MOB3B: variants seen among roughly 807,000 people sequenced by gnomAD.
MOB3B encodes the protein MOB kinase activator 3B, also known as MOB kinase activator-like 2B.
MOB3B carries 7 observed loss-of-function variants against 18.7 expected under a neutral mutation model. That is an observed-to-expected ratio of 0.37 (90% CI 0.21 to 0.70). The LOEUF (loss-of-function observed/expected upper bound fraction) is 0.70. Among genes scored for constraint, MOB3B ranks in the 30% least tolerant of loss-of-function variants. The probability of loss-of-function intolerance (pLI) is 0.52; values close to 1 mark genes in which losing one functional copy is unlikely to be tolerated. For synonymous variants in MOB3B, 111 were observed against 99.9 expected (o/e 1.11, Z -0.66); for missense variants, 253 against 281.3 (o/e 0.90, Z 0.72).
chr9:27,354,423 A>G (rs1821154579), intron 3 of MOB3B, among the ~76,000 whole-genome samples: 1 of 152,200 alleles, frequency 6.6e-6, no homozygotes, highest in South Asian at 2.1e-4. Context: ...TTTGGAACAG[A>G]GAATGACTAA....
chr9:27,404,870 C>T (rs907560889), intron 2 of MOB3B, among the ~76,000 whole-genome samples: 4 of 152,078 alleles, frequency 2.6e-5, no homozygotes, highest in African/African-American at 9.7e-5. Flanking sequence ...TATTAATTTA[C>T]ATTCCCACCA....
intron 1 of MOB3B, among the ~76,000 whole-genome samples, chr9:27,480,150 G>GTATAA (rs1469586301): frequency 6.6e-6 from 1 of 151,356 alleles, no homozygotes; most frequent in Non-Finnish European, 1.5e-5. Flanking sequence ...GAAATAGAAT[G>GTATAA]CATAACTTTT....
At chr9:27,406,600 C>T (rs10757656) in intron 2 of MOB3B, among the ~76,000 whole-genome samples, 58,188 of 151,956 alleles carry the variant, frequency 0.38, 12,287 homozygotes, top group East Asian at 0.78. Context: ...TACAGTCATC[C>T]CATTTTCAAC....
At chr9:27,512,779 T>C (rs1820166112) in intron 1 of MOB3B, among the ~76,000 whole-genome samples, 2 of 152,214 alleles carry the variant, frequency 1.3e-5, no homozygotes, top group Admixed American at 1.3e-4. Flanking sequence ...TCACTTTTTT[T>C]CACTTCACAA....
At chr9:27,395,187 G>C (rs1231095165) in intron 2 of MOB3B, among the ~76,000 whole-genome samples, 3 of 152,126 alleles carry the variant, frequency 2.0e-5, no homozygotes, top group Admixed American at 6.6e-5. Context: ...TGATCAAAGG[G>C]TACAAAGTTT....
intron 2 of MOB3B, among the ~76,000 whole-genome samples, chr9:27,427,540 TA>T (rs1486076057): frequency 6.6e-6 from 1 of 152,196 alleles, no homozygotes; most frequent in Non-Finnish European, 1.5e-5. Context: ...GATAAGTAGG[TA>T]CATAGAAGGC....
chr9:27,490,321 T>C (rs1440160487), intron 1 of MOB3B, among the ~76,000 whole-genome samples: 1 of 152,136 alleles, frequency 6.6e-6, no homozygotes, highest in Non-Finnish European at 1.5e-5. Flanking sequence ...GCTCATGGTT[T>C]AGTGAGAGAG....
intron 3 of MOB3B, among the ~76,000 whole-genome samples, chr9:27,352,034 G>C (rs1821112208): frequency 6.6e-6 from 1 of 152,146 alleles, no homozygotes; most frequent in Admixed American, 6.5e-5. Flanking sequence ...GCAGTGATAA[G>C]GGATGGAGAG....
chr9:27,393,803 G>A (rs975902990), intron 2 of MOB3B, among the ~76,000 whole-genome samples: 7 of 152,062 alleles, frequency 4.6e-5, no homozygotes, highest in Non-Finnish European at 4.4e-5. Context: ...CTGATCAATG[G>A]CAGATGCAGG....
chr9:27,446,125 T>C (rs1822688053), intron 2 of MOB3B, among the ~76,000 whole-genome samples: 1 of 152,172 alleles, frequency 6.6e-6, no homozygotes, highest in Non-Finnish European at 1.5e-5. Flanking sequence ...GATATTCACA[T>C]AATAAAAGGC....
At chr9:27,435,047 T>TTCTCTCTC (rs60408942) in intron 2 of MOB3B, among the ~76,000 whole-genome samples, 57 of 145,978 alleles carry the variant, frequency 3.9e-4, no homozygotes, top group Admixed American at 6.9e-4. Flanking sequence ...TGTAAGGTGT[T>TTCTCTCTC]TCTCTCTCTC....
intron 1 of MOB3B, among the ~76,000 whole-genome samples, chr9:27,473,649 G>T (rs1156775225): frequency 6.6e-6 from 1 of 152,142 alleles, no homozygotes; most frequent in African/African-American, 2.4e-5. Context: ...AACAGGGGAT[G>T]TTGGTGATGG....
chr9:27,396,868 T>C (rs990509071), intron 2 of MOB3B: 2 of 152,198 alleles, frequency 1.3e-5, no homozygotes, highest in African/African-American at 4.8e-5. Flanking sequence ...CATTTAACCA[T>C]CCACGTTAAC....
At chr9:27,519,742 G>A (rs1452720799) in intron 1 of MOB3B, among the ~76,000 whole-genome samples, 1 of 152,116 alleles carries the variant, frequency 6.6e-6, no homozygotes, top group Non-Finnish European at 1.5e-5. Flanking sequence ...CATATCCACA[G>A]TATTCCCTGA....
chr9:27,473,265 T>C (rs1024667466), intron 1 of MOB3B, among the ~76,000 whole-genome samples: 4 of 152,194 alleles, frequency 2.6e-5, no homozygotes, highest in Admixed American at 1.3e-4. Flanking sequence ...CACGTTTTTC[T>C]CATCTAGCGG....
intron 2 of MOB3B, among the ~76,000 whole-genome samples, chr9:27,443,044 T>C (rs1197963266): frequency 6.6e-6 from 1 of 152,230 alleles, no homozygotes; most frequent in Non-Finnish European, 1.5e-5. Context: ...CAGAATTACC[T>C]ACAGAGCTTT....
In MOB3B at chr9:27,455,755, G is replaced by A. The variant is rs1587228607; in HGVS notation, c.-198-7C>T. ...GGGAACCTCATGTTCTTTCCTAAAG[G>A]TAGAAGAGAAAAGGGAACACATGAG... On this transcript the variant is annotated splice_region_variant and splice_polypyrimidine_tract_variant and intron_variant, in intron 1 of 3. Coordinates refer to ENST00000262244, the MANE Select transcript of MOB3B (RefSeq NM_024761.5). The A allele has an allele frequency of 2.1e-6, 3 of 1,429,126 alleles. No homozygotes were observed. In the East Asian group the frequency reaches 7.6e-5, roughly 36 times the overall value. 88.5% of individuals were successfully genotyped at this position (1,429,126 alleles called of 1,614,324 possible).
chr9:27,366,759 C>A (rs1484317778), intron 2 of MOB3B, among the ~76,000 whole-genome samples: 2 of 152,150 alleles, frequency 1.3e-5, no homozygotes, highest in African/African-American at 4.8e-5. Flanking sequence ...GAGTAAGAAC[C>A]AAAAGGTTGT....
At chr9:27,515,249 T>C (rs1254612343) in intron 1 of MOB3B, among the ~76,000 whole-genome samples, 1 of 152,220 alleles carries the variant, frequency 6.6e-6, no homozygotes, top group Non-Finnish European at 1.5e-5. Context: ...TCTTGTATCA[T>C]ATATATTTCT....
Sources: gnomAD v4.1 joint callset for allele counts (sites outside exome capture counted in the v4.1 genomes callset) on GRCh38, gnomAD v4.1.1 for gene constraint, MANE v1.5 for transcripts, NCBI Gene and HGNC (gene_info 2026-07-23, HGNC 2026-07-21) for gene names.